KCNMA1: variants seen among roughly 807,000 people sequenced by gnomAD.
KCNMA1 encodes Calcium-activated potassium channel subunit alpha-1.
In KCNMA1, 29 loss-of-function variants were observed where a neutral mutation model predicts 140.0. The observed-to-expected ratio is 0.21, with a 90% CI of 0.15 to 0.28. KCNMA1 has a LOEUF of 0.28. KCNMA1 is among the 10% of genes least tolerant of loss of function. The pLI is 1.00. For missense variants in KCNMA1, 880 were observed against 1,602.2 expected (o/e 0.55, Z 7.70); for synonymous variants, 612 against 611.9 (o/e 1.00, Z 0.00).
At chr10:77,040,072 G>A (rs145896198) in intron 14 of KCNMA1, among the ~76,000 whole-genome samples, 2,658 of 150,228 alleles carry the variant, frequency 0.018, 75 homozygotes, top group African/African-American at 0.061. Flanking sequence ...AAGAGACAGA[G>A]TCTTGCTATG....
At chr10:76,970,524 A>G (rs1388027146) in intron 19 of KCNMA1, 1 of 231,902 alleles carries the variant, frequency 4.3e-6, no homozygotes, top group African/African-American at 2.3e-5. Flanking sequence ...AGATGAACCA[A>G]CTTAGCTGGT....
intron 1 of KCNMA1, among the ~76,000 whole-genome samples, chr10:77,424,939 C>A (rs2096944230): frequency 6.6e-6 from 1 of 152,228 alleles, no homozygotes; most frequent in Admixed American, 6.5e-5. Context: ...CCACACTAGA[C>A]CATGAGCAGG....
At position 77,095,834 on chromosome 10, in the gene KCNMA1, C is replaced by T. The variant is rs116032918; in HGVS notation, c.1224-5324G>A. Among the ~76,000 whole-genome samples the T allele has an allele frequency of 2.2e-3, 329 of 152,202 alleles. 2 individuals are homozygous for T. The highest frequency in any genetic ancestry group is 7.6e-3 in the African/African-American group (314 of 41,514). On this transcript the variant is annotated intron_variant, in intron 9 of 27. Transcript: ENST00000286628. ...TCAATTCCACAGGTACACAGGACAA[C>T]CTAGGGGAAGTGACTTAAGGCAGAA...
chr10:77,506,840 A>AGAGTGT (rs1251463030), intron 1 of KCNMA1, among the ~76,000 whole-genome samples: 44 of 120,954 alleles, frequency 3.6e-4, no homozygotes, highest in Middle Eastern at 5.2e-3. Flanking sequence ...AGAGAGAGAG[A>AGAGTGT]GTGTGTGTGT....
At position 77,209,807 on chromosome 10, in the gene KCNMA1, G is replaced by A. The variant is rs1160253798; in HGVS notation, c.603-24891C>T. 2.0e-5 allele frequency among the ~76,000 whole-genome samples: 3 copies of A among 151,568 alleles called. No homozygotes were observed. In the East Asian group the frequency reaches 5.9e-4, roughly 30 times the overall value. ...CACATAAATTAGGAAATCTAGAGGAGATAGATAAATTCCTGGAAACACACA... is the reference window on the plus strand; with the variant it reads ...CACATAAATTAGGAAATCTAGAGGAAATAGATAAATTCCTGGAAACACACA... On this transcript the variant is annotated intron_variant, in intron 3 of 27. Transcript: ENST00000286628.
chr10:77,360,395 G>C (rs2093843177), intron 2 of KCNMA1, among the ~76,000 whole-genome samples: 2 of 145,468 alleles, frequency 1.4e-5, no homozygotes, highest in Admixed American at 7.1e-5. Flanking sequence ...TGAGCCCAGG[G>C]GCCAGAGAGC....
chr10:77,102,996 T>G (rs1334958801), intron 9 of KCNMA1, among the ~76,000 whole-genome samples: 1 of 152,096 alleles, frequency 6.6e-6, no homozygotes, highest in African/African-American at 2.4e-5. Context: ...AGAGAATGCC[T>G]GCCTGCCGAG....
At chr10:77,124,503 T>C (rs1424790368) in intron 5 of KCNMA1, among the ~76,000 whole-genome samples, 5 of 152,116 alleles carry the variant, frequency 3.3e-5, no homozygotes, top group African/African-American at 9.7e-5. Context: ...TGTATACATA[T>C]GAGAGAAAAA....
At chr10:77,246,811 G>A (rs564438407) in intron 3 of KCNMA1, among the ~76,000 whole-genome samples, 1 of 152,292 alleles carries the variant, frequency 6.6e-6, no homozygotes, top group South Asian at 2.1e-4. Context: ...TAACCCCACT[G>A]TTGCCTTGGC....
intron 2 of KCNMA1, among the ~76,000 whole-genome samples, chr10:77,297,605 C>T (rs2075513547): frequency 6.6e-6 from 1 of 152,138 alleles, no homozygotes; most frequent in African/African-American, 2.4e-5. Context: ...TAAGGCACTA[C>T]ACACGTCTGG....
intron 29 of KCNMA1, among the ~76,000 whole-genome samples, chr10:76,878,996 T>C (rs1169867010): frequency 6.6e-6 from 1 of 152,190 alleles, no homozygotes; most frequent in African/African-American, 2.4e-5. Flanking sequence ...CAATGGCCTC[T>C]GTAGCTGCTT....
At chr10:77,530,531 A>C (rs2057345860) in intron 1 of KCNMA1, among the ~76,000 whole-genome samples, 2 of 152,194 alleles carry the variant, frequency 1.3e-5, no homozygotes, top group Non-Finnish European at 2.9e-5. Context: ...ACTTAGTGCA[A>C]GTCACGCCTA....
chr10:77,510,618 C>A (rs2048011247), intron 1 of KCNMA1, among the ~76,000 whole-genome samples: 2 of 149,240 alleles, frequency 1.3e-5, no homozygotes, highest in African/African-American at 4.9e-5. Context: ...TCTGGCAAGA[C>A]CCTGTCTCTA....
intron 1 of KCNMA1, among the ~76,000 whole-genome samples, chr10:77,413,148 C>A (rs891401507): frequency 1.3e-5 from 2 of 152,090 alleles, no homozygotes; most frequent in African/African-American, 4.8e-5. Flanking sequence ...AGTGAGCCAC[C>A]TCGCCCGGCC....
chr10:76,983,600 G>C (rs940251169), intron 19 of KCNMA1, among the ~76,000 whole-genome samples: 1 of 152,014 alleles, frequency 6.6e-6, no homozygotes, highest in Non-Finnish European at 1.5e-5. Flanking sequence ...GGTGGCATAT[G>C]CCTGTAGTCC....
intron 5 of KCNMA1, among the ~76,000 whole-genome samples, chr10:77,126,597 C>T (rs2097738109): frequency 6.6e-6 from 1 of 152,134 alleles, no homozygotes; most frequent in South Asian, 2.1e-4. Context: ...CTTATTTGTC[C>T]TGGGCTCTTG....
chr10:77,561,217 C>T (rs2066288472), intron 1 of KCNMA1, among the ~76,000 whole-genome samples: 1 of 152,094 alleles, frequency 6.6e-6, no homozygotes, highest in African/African-American at 2.4e-5. Flanking sequence ...GCTTCACACA[C>T]ATTATCTCCC....
intron 24 of KCNMA1, chr10:76,914,621 G>A (rs772500583): frequency 3.9e-5 from 14 of 358,554 alleles, no homozygotes; most frequent in South Asian, 1.7e-4. Context: ...GAAAGAATCC[G>A]TGAACTAAGC....
intron 29 of KCNMA1, among the ~76,000 whole-genome samples, chr10:76,879,195 T>C (rs939038452): frequency 6.6e-6 from 1 of 152,132 alleles, no homozygotes; most frequent in African/African-American, 2.4e-5. Context: ...TTCCTACTTC[T>C]GCTGTTTCAA....
Sources: gnomAD v4.1 joint callset for allele counts (sites outside exome capture counted in the v4.1 genomes callset) on GRCh38, gnomAD v4.1.1 for gene constraint, MANE v1.5 for transcripts, NCBI Gene and HGNC (gene_info 2026-07-23, HGNC 2026-07-21) for gene names.